Variants in KRTDAP observed in about 807,000 individuals in gnomAD.
KRTDAP encodes keratinocyte differentiation-associated protein.
Under a neutral mutation model 18.6 loss-of-function variants are expected in KRTDAP, and 14 were observed. That is an observed-to-expected ratio of 0.75 (90% confidence interval 0.50 to 1.18). The LOEUF is 1.18. Among genes scored for constraint, KRTDAP ranks in the 50% most tolerant of loss-of-function variants. The pLI, the probability that KRTDAP is intolerant of heterozygous loss-of-function variation, is 0.00. For missense variants in KRTDAP, 114 were observed against 121.3 expected, an observed-to-expected ratio of 0.94 and a Z score of 0.28; for synonymous variants, 53 against 49.5, an observed-to-expected ratio of 1.07 and a Z score of -0.29.
chr19:35,487,407 C>G lies in KRTDAP; in HGVS notation c.*21G>C, dbSNP rs1568537992. On this transcript the variant is annotated 3_prime_UTR_variant, in exon 6 of 6. Transcript: ENST00000338897. The stretch of plus-strand genomic sequence containing the variant: ...GAGAATCAGCGCTCACGCTAGCCCC[C>G]TCTTCCAGTGGAGGTCATGGTCACT... 1.2e-6 allele frequency: 2 copies of G among 1,612,612 alleles called. No individual in the cohort carries two copies. Among genetic ancestry groups the G allele is most frequent in the South Asian group, 1.1e-5 (1 of 91,064 alleles).
In KRTDAP at chr19:35,490,379, C is replaced by A. The variant is rs1227748744; in HGVS notation, c.64G>T (p.Gly22Ter). The change falls in exon 1 of 6, where the codon GGA (glycine) becomes TGA (stop). Residue 22 changes from glycine (G) to a stop codon, truncating the protein, a stop_gained. Coordinates refer to ENST00000338897, the MANE Select transcript of KRTDAP (RefSeq NM_207392.3). LOFTEE classifies it high-confidence loss of function. ...LSLLVLHSAQ[G>*]ATLGGPEEES... ...ACCTCAGGACCACCCAGGGTGGCTCCCTGGGCAGAGTGGAGCACCAGGAGG... is the reference window on the plus strand; with the variant it reads ...ACCTCAGGACCACCCAGGGTGGCTCACTGGGCAGAGTGGAGCACCAGGAGG... 3 of 1,613,064 alleles carry A rather than the reference C, an allele frequency of 1.9e-6. No homozygotes were observed. In the African/African-American group the frequency reaches 4.0e-5, roughly 22 times the overall value.
chr19:35,490,354 A>C lies in KRTDAP; in HGVS notation c.87+2T>G. The C allele has an allele frequency of 6.3e-7, 1 of 1,588,852 alleles. No homozygotes were observed. The highest frequency in any genetic ancestry group is 8.6e-7 in the Non-Finnish European group (1 of 1,166,332). ...GAATAAAAATGCAGGTGACGTGCTC[A>C]CCTCAGGACCACCCAGGGTGGCTCC... On this transcript the variant is annotated splice_donor_variant, in intron 1 of 5. Transcript: ENST00000338897. LOFTEE classifies it high-confidence loss of function.
chr19:35,488,352 A>C, intron 4 of KRTDAP, 89 bp downstream of exon 4: 1 of 1,343,050 alleles, frequency 7.4e-7, no homozygotes, highest in African/African-American at 1.4e-5. Context: ...ATCAGGAACC[A>C]ACCCATACAT....
intron 5 of KRTDAP, 36 bp downstream of exon 5, chr19:35,487,676 C>CA: frequency 6.3e-7 from 1 of 1,574,996 alleles, no homozygotes; most frequent in Non-Finnish European, 8.7e-7. Flanking sequence ...CCCTTACCCC[C>CA]AAGCTCCATA....
chr19:35,488,764 A>C, intron 2 of KRTDAP, 38 bp downstream of exon 2: 1 of 1,613,886 alleles, frequency 6.2e-7, no homozygotes, highest in Non-Finnish European at 8.5e-7. Context: ...GAGAGGACAG[A>C]CTCGTGGCTG....
chr19:35,487,772 A>T lies in KRTDAP; in HGVS notation c.214-13T>A. On this transcript the variant is annotated splice_polypyrimidine_tract_variant and intron_variant, in intron 4 of 5. Coordinates refer to ENST00000338897, the MANE Select transcript of KRTDAP (RefSeq NM_207392.3). Reference sequence around the variant, plus strand: ...TCCTTTTGATAGACTAAAAGAAAGAAAGAGAAAGAGAGTGATGTGTTGCAG... The same window carrying T: ...TCCTTTTGATAGACTAAAAGAAAGATAGAGAAAGAGAGTGATGTGTTGCAG... 1 of 1,607,358 alleles carries T rather than the reference A, an allele frequency of 6.2e-7. No individual in the cohort carries two copies. Among genetic ancestry groups the T allele is most frequent in the Non-Finnish European group, 8.5e-7 (1 of 1,173,942 alleles).
At position 35,487,708 on chromosome 19, in the gene KRTDAP, T is replaced by G; in HGVS notation, c.261+4A>C. The stretch of plus-strand genomic sequence containing the variant: ...CATACCCTCCTAATGCCCACACCTC[T>G]TACCTTAGGAAAGGCATCCCAGTTG... On this transcript the variant is annotated splice_donor_region_variant and intron_variant, in intron 5 of 5. Coordinates refer to ENST00000338897, the MANE Select transcript of KRTDAP (RefSeq NM_207392.3). 1 of 1,611,140 alleles carries G rather than the reference T, an allele frequency of 6.2e-7. No individual in the cohort carries two copies. The highest frequency in any genetic ancestry group is 8.5e-7 in the Non-Finnish European group (1 of 1,177,316).
rs369325376 is a variant in KRTDAP at position 35,488,430 on chromosome 19, G to A, written c.213+11C>T. ...ACAACCGAGGAGGGCAAGGGGCGCC[G>A]GAGCACTCACCTCAAAGAGGGCGTG... On this transcript the variant is annotated intron_variant, in intron 4 of 5. Transcript: ENST00000338897. 122 of 1,611,712 alleles carry A rather than the reference G, an allele frequency of 7.6e-5. 1 individual carries two copies. In the Middle Eastern group the frequency reaches 1.2e-3, roughly 15 times the overall value.
Position 35,487,339 on chromosome 19 carries a change from G to T in KRTDAP, c.*89C>A. Reference sequence around the variant, plus strand: ...ATACAGGAGCTGTTGGATGGAAAATGTTTTATTGGAGTTCCTGAGGCAGGA... The same window carrying T: ...ATACAGGAGCTGTTGGATGGAAAATTTTTTATTGGAGTTCCTGAGGCAGGA... On this transcript the variant is annotated 3_prime_UTR_variant, in exon 6 of 6. Transcript: ENST00000338897. 1 of 1,251,632 alleles carries T rather than the reference G, an allele frequency of 8.0e-7. No individual in the cohort carries two copies. Among genetic ancestry groups the T allele is most frequent in the Non-Finnish European group, 1.2e-6 (1 of 849,006 alleles). The allele number at this position is 1,251,632 out of a possible 1,614,324, so 77.5% of individuals were successfully genotyped here. A position where few individuals can be genotyped will look rare whatever the true frequency, so the allele number is the denominator to read the frequency against.
At chr19:35,490,068 C>T (rs1051505815) in intron 1 of KRTDAP, among the ~76,000 whole-genome samples, 2 of 152,076 alleles carry the variant, frequency 1.3e-5, no homozygotes, top group African/African-American at 4.8e-5. Context: ...TCTTGAGAGC[C>T]CATGGTGGAG....
At chr19:35,488,726 A>G (rs941172907) in intron 2 of KRTDAP, 23 bp from the exon 3 acceptor site, 28 of 1,614,080 alleles carry the variant, frequency 1.7e-5, no homozygotes, top group Non-Finnish European at 2.3e-5. Context: ...GCAGGGTGTT[A>G]GGAAAGTTGC....
chr19:35,488,989 C>T (rs1413640421), intron 1 of KRTDAP, 149 bp from the exon 2 acceptor site: 5 of 703,972 alleles, frequency 7.1e-6, no homozygotes, highest in Admixed American at 2.5e-5. Context: ...GTTCCAGTCG[C>T]GCACATGGTT....
At chr19:35,487,805 G>C in intron 4 of KRTDAP, 46 bp from the exon 5 acceptor site, 1 of 1,254,582 alleles carries the variant, frequency 8.0e-7, no homozygotes, top group Non-Finnish European at 1.2e-6. Flanking sequence ...CAGGTCAGCC[G>C]GGCATGGATG....
intron 4 of KRTDAP, 52 bp from the exon 5 acceptor site, chr19:35,487,811 G>C: frequency 8.4e-7 from 1 of 1,190,410 alleles, no homozygotes; most frequent in African/African-American, 1.5e-5. Flanking sequence ...AGCCGGGCAT[G>C]GATGGGTAAG....
intron 1 of KRTDAP, among the ~76,000 whole-genome samples, chr19:35,489,954 C>T (rs570534105): frequency 5.5e-4 from 84 of 152,294 alleles, no homozygotes; most frequent in African/African-American, 1.9e-3. Flanking sequence ...TGGATGCAGG[C>T]CTGGGTTTGG....
At position 35,488,690 on chromosome 19, in the gene KRTDAP, G is replaced by A. The variant is rs375252434; in HGVS notation, c.140C>T (p.Pro47Leu). 1.2e-5 allele frequency: 20 copies of A among 1,614,058 alleles called. No homozygotes were observed. The highest frequency in any genetic ancestry group is 4.0e-5 in the African/African-American group (3 of 74,918). Residue 47 changes from proline to leucine, a missense_variant, in exon 3 of 6, where the codon CCG (proline) becomes CTG (leucine). Coordinates refer to ENST00000338897, the MANE Select transcript of KRTDAP (RefSeq NM_207392.3). Reference sequence around the variant, plus strand: ...TCGCAATTTGTCGATGTTCAGGAACGGGGTGTTAAAGGCCTAGGCAGAAAC... The same window carrying A: ...TCGCAATTTGTCGATGTTCAGGAACAGGGTGTTAAAGGCCTAGGCAGAAAC... ...YASRPEAFNT[P>L]FLNIDKLRSA... is the part of the protein sequence containing the mutation.
rs1192468720 is a variant in KRTDAP, at chr19:35,490,409, G to A, written c.34C>T (p.Leu12Phe). 3.7e-6 allele frequency: 6 copies of A among 1,613,702 alleles called. No individual in the cohort carries two copies. Among genetic ancestry groups the A allele is most frequent in the Non-Finnish European group, 5.1e-6 (6 of 1,179,850 alleles). The change falls in exon 1 of 6, where the codon CTC (leucine) becomes TTC (phenylalanine). Residue 12 changes from leucine (L) to phenylalanine (F), a missense_variant. Transcript: ENST00000338897. ...GCAGAGTGGAGCACCAGGAGGGAGA[G>A]GAGCACCACGGCAGGAAGGACCGGG... is the stretch of plus-strand genomic sequence containing the variant. Reference protein sequence around the residue: ...KIPVLPAVVLLSLLVLHSAQG... With the variant: ...KIPVLPAVVLFSLLVLHSAQG...
chr19:35,488,537 G>T (rs1250748826), intron 3 of KRTDAP, 52 bp from the exon 4 acceptor site: 2 of 1,609,318 alleles, frequency 1.2e-6, no homozygotes, highest in East Asian at 2.2e-5. Flanking sequence ...GGAGGCCAGA[G>T]CTTAGCCCCC....
Position 35,488,804 on chromosome 19 carries a change from C to T in KRTDAP, c.124G>A (p.Glu42Lys), listed in dbSNP as rs778599873. 30 of 1,613,988 alleles carry T rather than the reference C, an allele frequency of 1.9e-5. No homozygotes were observed. The highest frequency in any genetic ancestry group is 2.0e-5 in the Non-Finnish European group (24 of 1,180,024). ...GCCGGGGAAAACAGACGGCTTACCT[C>T]GGGTCGTGACGCATAATTCTCAATG... is the stretch of plus-strand genomic sequence containing the variant. The part of the protein sequence containing the change: ...STIENYASRP[E>K]AFNTPFLNID... Residue 42 changes from glutamate (E) to lysine (K), a missense_variant and splice_region_variant, in exon 2 of 6, where the codon GAG becomes AAG. Coordinates refer to ENST00000338897, the MANE Select transcript of KRTDAP (RefSeq NM_207392.3).
Sources: allele counts gnomAD v4.1 joint callset (sites outside exome capture counted in the v4.1 genomes callset), GRCh38; gene constraint gnomAD v4.1.1; transcripts MANE v1.5; gene names NCBI Gene and HGNC (gene_info 2026-07-23, HGNC 2026-07-21).